Variants in GADL1 observed in about 807,000 individuals in gnomAD.
GADL1 encodes GAD like acidic amino acid decarboxylase 1.
GADL1 carries 71 observed loss-of-function variants against 69.5 expected under a neutral mutation model. That is an observed-to-expected ratio of 1.02 (90% CI 0.84 to 1.25). GADL1 has a LOEUF of 1.25. Among genes scored for constraint, GADL1 ranks in the 50% most tolerant of loss-of-function variants. The probability of loss-of-function intolerance (pLI) is 0.00; values close to 1 mark genes in which losing one functional copy is unlikely to be tolerated. For missense variants in GADL1, 737 were observed against 631.8 expected, an observed-to-expected ratio of 1.17 and a Z score of -1.79; for synonymous variants, 254 against 214.4, an observed-to-expected ratio of 1.18 and a Z score of -1.62.
chr3:30,892,392 G>T (rs1698798125), intron 1 of GADL1, among the ~76,000 whole-genome samples: 1 of 152,186 alleles, frequency 6.6e-6, no homozygotes, highest in Non-Finnish European at 1.5e-5. Flanking sequence ...ACAGATAGTT[G>T]TCTTGTACTC....
At chr3:30,792,350 A>G (rs899678391) in intron 12 of GADL1, among the ~76,000 whole-genome samples, 5 of 152,284 alleles carry the variant, frequency 3.3e-5, no homozygotes, top group Middle Eastern at 3.4e-3. Context: ...AGGTGGGCAG[A>G]TTGTTTGAGT....
chr3:30,861,521 A>G (rs1698320412), intron 2 of GADL1, 72 bp downstream of exon 2: 2 of 1,138,918 alleles, frequency 1.8e-6, no homozygotes, highest in Non-Finnish European at 2.5e-6. Context: ...TTTGCTTTCT[A>G]TTCAGCCATA....
At chr3:30,834,511 C>T (rs1242220866) in intron 9 of GADL1, among the ~76,000 whole-genome samples, 1 of 152,012 alleles carries the variant, frequency 6.6e-6, no homozygotes, top group Non-Finnish European at 1.5e-5. Flanking sequence ...TAAATTCATG[C>T]ATCATAAATT....
chr3:30,801,422 G>A (rs1412087536), intron 11 of GADL1, among the ~76,000 whole-genome samples: 1 of 151,880 alleles, frequency 6.6e-6, no homozygotes, highest in East Asian at 1.9e-4. Flanking sequence ...AACTCAAAGT[G>A]CTCTCCATTG....
intron 12 of GADL1, chr3:30,800,669 C>T (rs1198245011): frequency 5.3e-6 from 3 of 561,548 alleles, no homozygotes; most frequent in South Asian, 2.0e-5. Context: ...GATAGGACTG[C>T]TCTGTTCATA....
chr3:30,875,069 C>T (rs1303377415), intron 1 of GADL1, among the ~76,000 whole-genome samples: 3 of 151,790 alleles, frequency 2.0e-5, no homozygotes, highest in Non-Finnish European at 4.4e-5. Context: ...ACTTGTCTTC[C>T]TCATAAAGTA....
chr3:30,812,561 A>G (rs532888305), intron 11 of GADL1, among the ~76,000 whole-genome samples: 1 of 152,268 alleles, frequency 6.6e-6, no homozygotes, highest in East Asian at 1.9e-4. Flanking sequence ...TGATTCAACT[A>G]CTTCCCACTG....
intron 3 of GADL1, 124 bp from the exon 4 acceptor site, chr3:30,854,913 C>T (rs747266825): frequency 8.1e-5 from 47 of 579,378 alleles, no homozygotes; most frequent in African/African-American, 5.3e-4. Flanking sequence ...TTATATATAA[C>T]GTAATTCCAT....
chr3:30,818,107 A>T (rs1697505836), intron 11 of GADL1, among the ~76,000 whole-genome samples: 1 of 152,082 alleles, frequency 6.6e-6, no homozygotes, highest in Non-Finnish European at 1.5e-5. Context: ...TTCCCCTCTC[A>T]TCCATAGACA....
At chr3:30,884,662 G>A (rs566430873) in intron 1 of GADL1, among the ~76,000 whole-genome samples, 236 of 152,106 alleles carry the variant, frequency 1.6e-3, no homozygotes, top group African/African-American at 5.4e-3. Flanking sequence ...AGTGATAAAA[G>A]TCAAAGGTGT....
At chr3:30,759,681 G>T (rs976790429) in intron 14 of GADL1, among the ~76,000 whole-genome samples, 1 of 152,142 alleles carries the variant, frequency 6.6e-6, no homozygotes, top group African/African-American at 2.4e-5. Context: ...GGTAGATTAG[G>T]TTCTTCAGAA....
intron 1 of GADL1, among the ~76,000 whole-genome samples, chr3:30,888,701 C>G (rs1308590571): frequency 6.6e-6 from 1 of 152,064 alleles, no homozygotes; most frequent in Non-Finnish European, 1.5e-5. Context: ...AACAAGGAGA[C>G]AGTCTCAAGG....
At chr3:30,888,862 A>C (rs1358137641) in intron 1 of GADL1, among the ~76,000 whole-genome samples, 1 of 152,024 alleles carries the variant, frequency 6.6e-6, no homozygotes, top group Non-Finnish European at 1.5e-5. Context: ...CTTCTGTCAG[A>C]AAACCAAAGA....
chr3:30,844,446 C>T lies in GADL1; in HGVS notation c.672G>A (p.Lys224=), dbSNP rs1227450214. The T allele has an allele frequency of 3.7e-6, 6 of 1,612,040 alleles. No individual in the cohort carries two copies. Among genetic ancestry groups the T allele is most frequent in the Non-Finnish European group, 5.1e-6 (6 of 1,178,162 alleles). Residue 224 remains lysine, a synonymous_variant, in exon 7 of 15, where the codon AAG becomes AAA. Transcript: ENST00000282538. ...TSAECHYSMK[K]AASFLGIGTE... ...TGCCAATCCCAAGAAAAGAGGCTGC[C>T]TTCTTCATAGAGTAATGACACTGAA...
intron 11 of GADL1, among the ~76,000 whole-genome samples, chr3:30,822,683 T>TAATA (rs1031203965): frequency 2.0e-4 from 31 of 152,064 alleles, no homozygotes; most frequent in Non-Finnish European, 4.0e-4. Flanking sequence ...TGTGATCATA[T>TAATA]AATACTTTTA....
intron 1 of GADL1, among the ~76,000 whole-genome samples, chr3:30,879,629 G>A (rs1427158260): frequency 6.6e-6 from 1 of 151,874 alleles, no homozygotes; most frequent in East Asian, 1.9e-4. Flanking sequence ...AAGAAATCAA[G>A]AATGTGAATT....
intron 2 of GADL1, among the ~76,000 whole-genome samples, chr3:30,860,784 A>G (rs985308176): frequency 3.3e-5 from 5 of 152,002 alleles, no homozygotes. Flanking sequence ...AGGCATATGG[A>G]ATAGTTAAGA....
chr3:30,740,430 A>C (rs1430883782), intron 14 of GADL1, among the ~76,000 whole-genome samples: 1 of 152,128 alleles, frequency 6.6e-6, no homozygotes, highest in African/African-American at 2.4e-5. Flanking sequence ...TCCTAGAGAA[A>C]CATGTGGCTC....
At chr3:30,745,887 T>C (rs1695695123) in intron 14 of GADL1, among the ~76,000 whole-genome samples, 1 of 152,126 alleles carries the variant, frequency 6.6e-6, no homozygotes, top group African/African-American at 2.4e-5. Context: ...TCCAAAATAT[T>C]AAAATTCTCT....
Sources: allele counts gnomAD v4.1 joint callset (sites outside exome capture counted in the v4.1 genomes callset), GRCh38; gene constraint gnomAD v4.1.1; transcripts MANE v1.5; gene names NCBI Gene and HGNC (gene_info 2026-07-23, HGNC 2026-07-21).